The following CDH23 variants were observed in gnomAD, a reference collection of about 807,000 sequenced individuals.
CDH23 encodes cadherin-23.
In CDH23, 189 loss-of-function variants were observed where a neutral mutation model predicts 317.1. The observed-to-expected ratio is 0.60, with a 90% CI of 0.53 to 0.67. The LOEUF is 0.67. Ranked by LOEUF, CDH23 falls within the 30% of genes least tolerant of loss-of-function variation. The pLI, the probability that CDH23 is intolerant of heterozygous loss-of-function variation, is 0.00. For missense variants in CDH23, 4,401 were observed against 4,592.4 expected (o/e 0.96, Z 1.20); for synonymous variants, 1,839 against 1,876.8 (o/e 0.98, Z 0.52).
At chr10:71,726,329 G>T (rs1164306807) in intron 30 of CDH23, among the ~76,000 whole-genome samples, 5 of 152,114 alleles carry the variant, frequency 3.3e-5, no homozygotes, top group African/African-American at 1.2e-4. Context: ...TGAGTGCCCG[G>T]CTCCTCTTAT....
At chr10:71,493,939 C>A (rs1852809371) in intron 3 of CDH23, among the ~76,000 whole-genome samples, 1 of 152,226 alleles carries the variant, frequency 6.6e-6, no homozygotes, top group African/African-American at 2.4e-5. Flanking sequence ...TCATTCAGCA[C>A]TTCCTTGGCC....
intron 9 of CDH23, among the ~76,000 whole-genome samples, chr10:71,605,002 A>T (rs562073255): frequency 3.5e-4 from 54 of 152,362 alleles, no homozygotes; most frequent in African/African-American, 1.3e-3. Context: ...AGGAAGAATT[A>T]CACATTAAAA....
intron 3 of CDH23, among the ~76,000 whole-genome samples, chr10:71,449,136 C>T (rs541492671): frequency 3.9e-5 from 6 of 152,298 alleles, no homozygotes; most frequent in South Asian, 4.1e-4. Flanking sequence ...AGGGAGAGCC[C>T]ATGTGTGGCC....
intron 24 of CDH23, among the ~76,000 whole-genome samples, chr10:71,703,369 C>T (rs1234986712): frequency 6.6e-6 from 1 of 152,198 alleles, no homozygotes; most frequent in Non-Finnish European, 1.5e-5. Flanking sequence ...ATGTGAATCC[C>T]ATCTCCAGCA....
intron 32 of CDH23, among the ~76,000 whole-genome samples, chr10:71,733,344 T>A (rs1839453410): frequency 6.6e-6 from 1 of 152,216 alleles, no homozygotes; most frequent in Admixed American, 6.5e-5. Context: ...CAGGGATGTC[T>A]ATGGAGGCTT....
At chr10:71,748,255 C>T (rs952834181) in intron 38 of CDH23, 1 of 152,538 alleles carries the variant, frequency 6.6e-6, no homozygotes, top group African/African-American at 2.4e-5. Context: ...GTATCAGCCC[C>T]TCTGCCCTGG....
chr10:71,623,773 C>G (rs930414375), intron 11 of CDH23, among the ~76,000 whole-genome samples: 1 of 152,218 alleles, frequency 6.6e-6, no homozygotes, highest in Non-Finnish European at 1.5e-5. Flanking sequence ...CTCTTAGGAA[C>G]TCTTCCCAGG....
chr10:71,496,333 A>G (rs981915278), intron 3 of CDH23, among the ~76,000 whole-genome samples: 1 of 105,250 alleles, frequency 9.5e-6, no homozygotes, highest in Non-Finnish European at 2.2e-5. Flanking sequence ...ACAAAGCAAA[A>G]CATTTTTTTT....
chr10:71,705,241 T>C (rs1865742493), intron 25 of CDH23, 111 bp downstream of exon 25: 11 of 1,015,282 alleles, frequency 1.1e-5, no homozygotes, highest in Non-Finnish European at 1.6e-5. Flanking sequence ...ATTGGACTTG[T>C]AGGCACAGGC....
chr10:71,752,821 A>C (rs889557273), intron 38 of CDH23, among the ~76,000 whole-genome samples: 4 of 152,152 alleles, frequency 2.6e-5, no homozygotes, highest in Admixed American at 2.6e-4. Flanking sequence ...AGAACAGCCA[A>C]TCTGCACAGA....
At chr10:71,790,453 TGGGGTGGGGATGGCCACACTGCTG>T in intron 46 of CDH23, 40 bp downstream of exon 46, 4 of 1,604,656 alleles carry the variant, frequency 2.5e-6, no homozygotes, top group Non-Finnish European at 3.4e-6. Context: ...AGCCTGATTC[TGGGGTGGGGATGGCCACACTGCTG>T]GATTGAGGGC....
chr10:71,766,768 C>G (rs1336834542), intron 38 of CDH23, among the ~76,000 whole-genome samples: 1 of 152,142 alleles, frequency 6.6e-6, no homozygotes, highest in Admixed American at 6.5e-5. Context: ...CCACACAGTG[C>G]TGTGTGACTG....
At chr10:71,403,404 T>TCTTCCTTCC (rs1564558186) in intron 1 of CDH23, among the ~76,000 whole-genome samples, 2 of 78,592 alleles carry the variant, frequency 2.5e-5, no homozygotes, top group African/African-American at 1.4e-4. Flanking sequence ...TCTTTCTTTC[T>TCTTCCTTCC]TTCTCTTCCT....
At chr10:71,610,014 A>T (rs1474531832) in intron 9 of CDH23, among the ~76,000 whole-genome samples, 26 of 149,726 alleles carry the variant, frequency 1.7e-4, no homozygotes, top group Non-Finnish European at 1.5e-5. Flanking sequence ...CAGAGAGACG[A>T]GAGAGAGAGA....
chr10:71,506,564 G>C (rs1417463075), intron 3 of CDH23, among the ~76,000 whole-genome samples: 1 of 152,150 alleles, frequency 6.6e-6, no homozygotes, highest in South Asian at 2.1e-4. Flanking sequence ...CTGGGCTGGA[G>C]CTGAACCCCA....
At chr10:71,745,150 G>A (rs1182697716) in intron 38 of CDH23, among the ~76,000 whole-genome samples, 1 of 152,218 alleles carries the variant, frequency 6.6e-6, no homozygotes, top group Non-Finnish European at 1.5e-5. Flanking sequence ...ATACCGAAAT[G>A]AAGAAAATGT....
chr10:71,520,319 T>C (rs1482591986), intron 6 of CDH23, among the ~76,000 whole-genome samples: 2 of 152,130 alleles, frequency 1.3e-5, no homozygotes, highest in African/African-American at 4.8e-5. Flanking sequence ...GAAAGAGTCA[T>C]CAAGAAACAG....
At chr10:71,555,401 A>G (rs1856826049) in intron 6 of CDH23, among the ~76,000 whole-genome samples, 2 of 152,122 alleles carry the variant, frequency 1.3e-5, no homozygotes, top group South Asian at 4.1e-4. Context: ...TTATAACGTG[A>G]AATTATTTCT....
At chr10:71,739,551 G>C (rs189117464) in intron 35 of CDH23, 93 bp from the exon 36 acceptor site, 1 of 1,482,456 alleles carries the variant, frequency 6.7e-7, no homozygotes, top group African/African-American at 1.4e-5. Context: ...GAGGGCCCAC[G>C]TGGGCAGAGG....
Sources: allele counts gnomAD v4.1 joint callset (sites outside exome capture counted in the v4.1 genomes callset), GRCh38; gene constraint gnomAD v4.1.1; transcripts MANE v1.5; gene names NCBI Gene and HGNC (gene_info 2026-07-23, HGNC 2026-07-21).